The following TRIOBP variants were observed in gnomAD, a reference collection of about 807,000 sequenced individuals.
The protein encoded by TRIOBP is TRIO and F-actin binding protein.
Under a neutral mutation model 238.8 loss-of-function variants are expected in TRIOBP, and 169 were observed. The ratio of observed to expected loss-of-function variants is 0.71; its 90% confidence interval spans 0.62 to 0.80. TRIOBP has a LOEUF of 0.80. Ranked by LOEUF, TRIOBP falls within the 30% of genes least tolerant of loss-of-function variation. The probability of loss-of-function intolerance (pLI) is 0.00; values close to 1 mark genes in which losing one functional copy is unlikely to be tolerated. For synonymous variants in TRIOBP, 1,150 were observed against 1,274.4 expected (o/e 0.90, Z 2.08); for missense variants, 2,838 against 3,122.6 (o/e 0.91, Z 2.17).
At chr22:37,768,304 C>T in intron 19 of TRIOBP, 128 bp downstream of exon 19, 1 of 793,142 alleles carries the variant, frequency 1.3e-6, no homozygotes, top group Non-Finnish European at 2.1e-6. Flanking sequence ...CTCATGGATG[C>T]AAGAAACAGA....
chr22:37,710,535 G>T lies in TRIOBP; in HGVS notation c.223G>T (p.Val75Leu). 6.2e-7 allele frequency: 1 copy of T among 1,611,944 alleles called. No individual in the cohort carries two copies. The change falls in exon 4 of 24, where the codon GTG becomes TTG. Residue 75 changes from valine (V) to leucine (L), a missense_variant. Coordinates refer to ENST00000644935, the MANE Select transcript of TRIOBP (RefSeq NM_001039141.3). ...CTCAACCTCCGGCTGCCAGTCTGTG[G>T]TGGACCCAGGCCTCAGGCCAGGGCC... ...SASTSGCQSV[V>L]DPGLRPGPKR...
At chr22:37,742,977 T>C (rs1223312457) in intron 11 of TRIOBP, among the ~76,000 whole-genome samples, 2 of 152,136 alleles carry the variant, frequency 1.3e-5, no homozygotes, top group Admixed American at 1.3e-4. Flanking sequence ...AGAACTGAGA[T>C]TCAGACCCTG....
At chr22:37,716,722 ATAG>A (rs1310342702) in intron 6 of TRIOBP, among the ~76,000 whole-genome samples, 5 of 152,232 alleles carry the variant, frequency 3.3e-5, no homozygotes, top group Admixed American at 1.3e-4. Flanking sequence ...ACTTCTCTAA[ATAG>A]TAGGGAGCCA....
chr22:37,732,522 A>AC (rs1245492765), intron 7 of TRIOBP, among the ~76,000 whole-genome samples: 3 of 151,304 alleles, frequency 2.0e-5, no homozygotes, highest in African/African-American at 4.9e-5. Flanking sequence ...AAAAAAAAAA[A>AC]AAAAAAAGAC....
rs765041764 is a variant in TRIOBP at position 37,723,492 on chromosome 22, C to T, written c.936C>T (p.Ala312=). 6.2e-7 allele frequency: 1 copy of T among 1,613,094 alleles called. No individual in the cohort carries two copies. Among genetic ancestry groups the T allele is most frequent in the African/African-American group, 1.3e-5 (1 of 74,566 alleles). The change falls in exon 7 of 24, where the codon GCC becomes GCT. Residue 312 remains alanine (A), a synonymous_variant. Transcript: ENST00000644935. Reference sequence around the variant, plus strand: ...CCACCCAACAGGAAACCTCCAGGGCCTCATCCACCCAAGAGGACACCCCTA... The same window carrying T: ...CCACCCAACAGGAAACCTCCAGGGCTTCATCCACCCAAGAGGACACCCCTA... ...ASSTQQETSR[A]SSTQEDTPRA... is the part of the protein sequence containing the mutation.
chr22:37,762,881 G>T (rs1361725994), intron 17 of TRIOBP, among the ~76,000 whole-genome samples: 1 of 152,122 alleles, frequency 6.6e-6, no homozygotes, highest in East Asian at 1.9e-4. Context: ...ACAGCTGTCG[G>T]GTGGTCTGGG....
rs1926458669 is a variant in TRIOBP at position 37,765,740 on chromosome 22, A to T, written c.6395A>T (p.His2132Leu). 1 of 1,570,374 alleles carries T rather than the reference A, an allele frequency of 6.4e-7. No homozygotes were observed. The highest frequency in any genetic ancestry group is 1.2e-5 in the South Asian group (1 of 85,556). Residue 2132 changes from histidine to leucine, a missense_variant, in exon 18 of 24, where the codon CAC (histidine) becomes CTC (leucine). Transcript: ENST00000644935. ...CAGGTGATGGAGGAGCTGCAGCGGCACCACGAGCGGGAGCTGCAGCGCCTG... is the reference window on the plus strand; with the variant it reads ...CAGGTGATGGAGGAGCTGCAGCGGCTCCACGAGCGGGAGCTGCAGCGCCTG... The part of the protein sequence containing the change: ...HQQVMEELQR[H>L]HERELQRLQQ...
intron 7 of TRIOBP, among the ~76,000 whole-genome samples, chr22:37,731,922 A>G (rs1275136034): frequency 6.6e-6 from 1 of 152,214 alleles, no homozygotes; most frequent in Non-Finnish European, 1.5e-5. Context: ...TCGTTCCAGC[A>G]TGGCTCCTCA....
intron 11 of TRIOBP, chr22:37,746,310 A>G: frequency 8.9e-7 from 1 of 1,119,998 alleles, no homozygotes; most frequent in Non-Finnish European, 1.1e-6. Context: ...GGCGGCCGAG[A>G]GGGGCGGCGG....
At chr22:37,767,923 G>A (rs758135550) in intron 18 of TRIOBP, 151 bp from the exon 19 acceptor site, 7 of 716,758 alleles carry the variant, frequency 9.8e-6, no homozygotes, top group Non-Finnish European at 1.8e-5. Flanking sequence ...TCTTTGCATA[G>A]CACTCCTTGG....
At chr22:37,760,026 A>G (rs1926161455) in intron 17 of TRIOBP, 1 of 142,164 alleles carries the variant, frequency 7.0e-6, no homozygotes, top group African/African-American at 3.1e-5. Flanking sequence ...TCCACAACTG[A>G]TTAACAAAGG....
intron 17 of TRIOBP, among the ~76,000 whole-genome samples, chr22:37,763,870 G>GC (rs1414176713): frequency 5.9e-5 from 9 of 152,236 alleles, no homozygotes; most frequent in Non-Finnish European, 1.0e-4. Flanking sequence ...CAAGGCGTGG[G>GC]CAGGACTGTG....
chr22:37,750,264 G>A (rs934182875), intron 11 of TRIOBP, among the ~76,000 whole-genome samples: 5 of 152,258 alleles, frequency 3.3e-5, no homozygotes, highest in Non-Finnish European at 7.3e-5. Context: ...CCCTGGCCCA[G>A]GGACTTTCGC....
chr22:37,746,134 T>G, intron 11 of TRIOBP: 24 of 950,550 alleles, frequency 2.5e-5, no homozygotes, highest in Middle Eastern at 5.3e-4. Flanking sequence ...CGCGCTTCCA[T>G]TGGCCCGCCG....
intron 11 of TRIOBP, among the ~76,000 whole-genome samples, chr22:37,747,642 G>C (rs1925354586): frequency 6.6e-6 from 1 of 152,246 alleles, no homozygotes; most frequent in Non-Finnish European, 1.5e-5. Flanking sequence ...GAGGAGCTGA[G>C]TCAGTGTCCT....
intron 15 of TRIOBP, 91 bp downstream of exon 15, chr22:37,755,750 T>C (rs1290778215): frequency 6.7e-6 from 7 of 1,048,180 alleles, no homozygotes; most frequent in Non-Finnish European, 2.9e-6. Flanking sequence ...GGGCTGCACC[T>C]TTCTGGGCCC....
intron 3 of TRIOBP, among the ~76,000 whole-genome samples, chr22:37,705,543 T>C (rs1224448393): frequency 1.3e-5 from 2 of 151,934 alleles, no homozygotes; most frequent in Admixed American, 6.6e-5. Context: ...GTGGACATGT[T>C]GAGGACTTAG....
chr22:37,761,822 G>T (rs1926258859), intron 17 of TRIOBP, among the ~76,000 whole-genome samples: 1 of 151,892 alleles, frequency 6.6e-6, no homozygotes, highest in Non-Finnish European at 1.5e-5. Context: ...GGCTTACCTT[G>T]TCCTGGGGAG....
chr22:37,753,228 G>A (rs143770315), intron 12 of TRIOBP, among the ~76,000 whole-genome samples: 3 of 151,948 alleles, frequency 2.0e-5, no homozygotes, highest in South Asian at 2.1e-4. Flanking sequence ...GATGGGCGCC[G>A]CTCGCCTCAC....
Sources: allele counts gnomAD v4.1 joint callset (sites outside exome capture counted in the v4.1 genomes callset), GRCh38; gene constraint gnomAD v4.1.1; transcripts MANE v1.5; gene names NCBI Gene and HGNC (gene_info 2026-07-23, HGNC 2026-07-21).